The following SPAG16 variants were observed in gnomAD, a reference collection of about 807,000 sequenced individuals.
The protein encoded by SPAG16 is sperm-associated antigen 16 protein.
In SPAG16, 86 loss-of-function variants were observed where a neutral mutation model predicts 80.4. That is an observed-to-expected ratio of 1.07 (90% CI 0.90 to 1.28). The LOEUF (loss-of-function observed/expected upper bound fraction) is 1.28, where lower values mean the gene tolerates loss of function less well. Ranked by LOEUF, SPAG16 falls within the 50% of genes most tolerant of loss-of-function variation. SPAG16 has a pLI of 0.00. For synonymous variants in SPAG16, 294 were observed against 265.9 expected (o/e 1.11, Z -1.03); for missense variants, 870 against 765.3 (o/e 1.14, Z -1.61).
chr2:214,104,454 T>G (rs1436278093), intron 13 of SPAG16, among the ~76,000 whole-genome samples: 3 of 151,978 alleles, frequency 2.0e-5, no homozygotes, highest in Non-Finnish European at 4.4e-5. Context: ...CCTGCCATAG[T>G]CAGGGTCTGT....
intron 10 of SPAG16, among the ~76,000 whole-genome samples, chr2:213,623,348 A>G (rs1484097916): frequency 2.0e-5 from 3 of 152,100 alleles, no homozygotes; most frequent in African/African-American, 4.8e-5. Flanking sequence ...TTCCTGAACT[A>G]TGAATTCTAT....
chr2:213,324,181 C>T (rs2063746827), intron 5 of SPAG16, among the ~76,000 whole-genome samples: 1 of 151,998 alleles, frequency 6.6e-6, no homozygotes, highest in African/African-American at 2.4e-5. Flanking sequence ...CCTCATAGAC[C>T]TATAGGATAA....
chr2:214,354,091 ATATG>A, intron 15 of SPAG16, among the ~76,000 whole-genome samples: 1 of 148,142 alleles, frequency 6.8e-6, no homozygotes, highest in East Asian at 2.0e-4. Flanking sequence ...ATAAATATAT[ATATG>A]TACCCCATAA....
intron 7 of SPAG16, among the ~76,000 whole-genome samples, chr2:213,356,896 A>G (rs1057132797): frequency 2.0e-5 from 3 of 151,938 alleles, no homozygotes; most frequent in Non-Finnish European, 4.4e-5. Context: ...AGTGCTCTAA[A>G]TTTTCCTCTA....
intron 10 of SPAG16, among the ~76,000 whole-genome samples, chr2:213,757,740 C>T (rs1462561435): frequency 6.6e-6 from 1 of 152,228 alleles, no homozygotes; most frequent in East Asian, 1.9e-4. Flanking sequence ...GCACATGTTA[C>T]TGGAGCAGTC....
intron 10 of SPAG16, among the ~76,000 whole-genome samples, chr2:213,518,283 T>C (rs2075521719): frequency 6.6e-6 from 1 of 152,164 alleles, no homozygotes; most frequent in African/African-American, 2.4e-5. Context: ...CTATTATTAT[T>C]TGAGGCATGT....
chr2:214,089,796 C>T (rs1226172980), intron 13 of SPAG16, among the ~76,000 whole-genome samples: 1 of 152,046 alleles, frequency 6.6e-6, no homozygotes, highest in Non-Finnish European at 1.5e-5. Context: ...TAGAAGTCAT[C>T]ACTAAAATTT....
At chr2:214,070,655 T>C (rs1255426357) in intron 13 of SPAG16, among the ~76,000 whole-genome samples, 3 of 152,088 alleles carry the variant, frequency 2.0e-5, no homozygotes. Flanking sequence ...GAGCTGATCA[T>C]ATAGATTCCC....
At chr2:214,001,604 C>T (rs886238315) in intron 12 of SPAG16, among the ~76,000 whole-genome samples, 1 of 152,158 alleles carries the variant, frequency 6.6e-6, no homozygotes, top group Non-Finnish European at 1.5e-5. Context: ...TGACATTTCA[C>T]TTTTAGCTCT....
At chr2:213,515,921 G>A (rs1430177917) in intron 10 of SPAG16, among the ~76,000 whole-genome samples, 1 of 152,164 alleles carries the variant, frequency 6.6e-6, no homozygotes, top group Non-Finnish European at 1.5e-5. Context: ...AGTAGGAATT[G>A]CTCAATGATT....
chr2:214,112,134 T>A (rs1056607051), intron 14 of SPAG16, among the ~76,000 whole-genome samples: 1 of 152,220 alleles, frequency 6.6e-6, no homozygotes, highest in African/African-American at 2.4e-5. Context: ...AGTGAGTTTC[T>A]TAATCCTGAG....
chr2:213,569,881 G>A (rs1490356266), intron 10 of SPAG16, among the ~76,000 whole-genome samples: 1 of 135,680 alleles, frequency 7.4e-6, no homozygotes, highest in East Asian at 2.0e-4. Context: ...CTTTTTGGTT[G>A]GTAAACTATT....
intron 12 of SPAG16, among the ~76,000 whole-genome samples, chr2:214,013,078 A>G (rs552055957): frequency 6.6e-6 from 1 of 152,260 alleles, no homozygotes; most frequent in African/African-American, 2.4e-5. Flanking sequence ...AAGGCATATT[A>G]TAATTACCAG....
intron 15 of SPAG16, among the ~76,000 whole-genome samples, chr2:214,199,266 G>C (rs1344641824): frequency 2.0e-5 from 3 of 152,064 alleles, no homozygotes; most frequent in Non-Finnish European, 4.4e-5. Context: ...GATCCTTCTT[G>C]AGTTGATTTT....
chr2:213,878,783 G>A (rs144812093), intron 11 of SPAG16, among the ~76,000 whole-genome samples: 217 of 152,074 alleles, frequency 1.4e-3, no homozygotes, highest in Admixed American at 5.0e-3. Context: ...AGTTTCGAGT[G>A]TTACATTTAA....
At chr2:214,104,508 G>A (rs764250843) in intron 13 of SPAG16, among the ~76,000 whole-genome samples, 10 of 152,084 alleles carry the variant, frequency 6.6e-5, no homozygotes, top group Non-Finnish European at 1.2e-4. Flanking sequence ...GGCAAGGGAT[G>A]AAGCTGGGCA....
intron 10 of SPAG16, among the ~76,000 whole-genome samples, chr2:213,713,164 G>T (rs1165722514): frequency 6.6e-6 from 1 of 152,232 alleles, no homozygotes; most frequent in South Asian, 2.1e-4. Context: ...CCTCCTCTGA[G>T]GTCCCTCCCC....
intron 9 of SPAG16, among the ~76,000 whole-genome samples, chr2:213,483,031 CACTT>C (rs755798569): frequency 6.6e-5 from 10 of 152,200 alleles, no homozygotes; most frequent in African/African-American, 2.4e-4. Flanking sequence ...TATTTGGACA[CACTT>C]TATTTTAGTT....
intron 4 of SPAG16, among the ~76,000 whole-genome samples, chr2:213,316,166 G>T (rs2063390888): frequency 6.6e-6 from 1 of 151,874 alleles, no homozygotes; most frequent in Non-Finnish European, 1.5e-5. Context: ...ACAATCCCTT[G>T]ATTACTCCAG....
Sources: gnomAD v4.1 joint callset for allele counts (sites outside exome capture counted in the v4.1 genomes callset) on GRCh38, gnomAD v4.1.1 for gene constraint, MANE v1.5 for transcripts, NCBI Gene and HGNC (gene_info 2026-07-23, HGNC 2026-07-21) for gene names.